Variants in TRDN observed in about 807,000 individuals in gnomAD.
The protein encoded by TRDN is triadin, also known as triadin in skeletal muscle.
In TRDN, 161 loss-of-function variants were observed where a neutral mutation model predicts 149.7. That is an observed-to-expected ratio of 1.08 (90% confidence interval 0.95 to 1.23). TRDN has a LOEUF of 1.23. Among genes scored for constraint, TRDN ranks in the 50% most tolerant of loss-of-function variants. TRDN has a pLI of 0.00. For missense variants in TRDN, 896 were observed against 823.5 expected (o/e 1.09, Z -1.08); for synonymous variants, 294 against 250.5 (o/e 1.17, Z -1.64).
At chr6:123,370,165 G>A (rs1050364726) in intron 19 of TRDN, among the ~76,000 whole-genome samples, 2 of 152,036 alleles carry the variant, frequency 1.3e-5, no homozygotes, top group African/African-American at 4.8e-5. Context: ...TATCGCCAAG[G>A]CCTTTGAAAC....
At chr6:123,257,798 C>T (rs1434715916) in intron 35 of TRDN, among the ~76,000 whole-genome samples, 2 of 152,170 alleles carry the variant, frequency 1.3e-5, no homozygotes, top group Non-Finnish European at 2.9e-5. Flanking sequence ...TTTGTGTCCT[C>T]TTTTATTTCC....
At chr6:123,494,538 A>C (rs1334875085) in intron 9 of TRDN, among the ~76,000 whole-genome samples, 1 of 152,212 alleles carries the variant, frequency 6.6e-6, no homozygotes, top group Non-Finnish European at 1.5e-5. Context: ...CAAGTAAAGA[A>C]ATTTTAAAAC....
chr6:123,333,768 G>T (rs1477352357), intron 22 of TRDN, among the ~76,000 whole-genome samples: 1 of 152,034 alleles, frequency 6.6e-6, no homozygotes, highest in African/African-American at 2.4e-5. Context: ...CAACTCTTAT[G>T]ACACTTTTCA....
chr6:123,324,176 A>T (rs759998776), intron 23 of TRDN, among the ~76,000 whole-genome samples: 2 of 152,174 alleles, frequency 1.3e-5, no homozygotes, highest in Admixed American at 1.3e-4. Context: ...TCTGGGTACC[A>T]GTATCGATTT....
intron 2 of TRDN, among the ~76,000 whole-genome samples, chr6:123,554,528 CAA>C (rs1409730734): frequency 6.6e-6 from 1 of 152,006 alleles, no homozygotes; most frequent in Non-Finnish European, 1.5e-5. Flanking sequence ...AAAATTTTAT[CAA>C]GTTAAGAAAA....
chr6:123,383,545 G>A (rs986062374), intron 14 of TRDN, among the ~76,000 whole-genome samples: 4 of 151,994 alleles, frequency 2.6e-5, no homozygotes, highest in African/African-American at 7.2e-5. Context: ...TGAACAATAA[G>A]AGAGTGTTGA....
At chr6:123,507,557 C>T (rs891361022) in intron 7 of TRDN, among the ~76,000 whole-genome samples, 2 of 151,994 alleles carry the variant, frequency 1.3e-5, no homozygotes, top group Admixed American at 1.3e-4. Context: ...ACTAAAGCAA[C>T]ACCCAACTTC....
At chr6:123,483,070 TTATTATTATTATTATTATTATTATTA>T (rs1562339257) in intron 9 of TRDN, among the ~76,000 whole-genome samples, 5 of 17,280 alleles carry the variant, frequency 2.9e-4, no homozygotes, top group Non-Finnish European at 5.8e-4. Flanking sequence ...TTCTCATTTA[TTATTATTATTATTATTATTATTATTA>T]TTATTATTAT....
intron 12 of TRDN, among the ~76,000 whole-genome samples, chr6:123,414,836 C>T (rs926548484): frequency 6.6e-6 from 1 of 151,994 alleles, no homozygotes; most frequent in Non-Finnish European, 1.5e-5. Flanking sequence ...TTTCATTCTC[C>T]TAGGTAAAAA....
chr6:123,229,039 T>G (rs1163781720), intron 38 of TRDN, among the ~76,000 whole-genome samples: 1 of 151,976 alleles, frequency 6.6e-6, no homozygotes, highest in African/African-American at 2.4e-5. Flanking sequence ...TACAGTTATT[T>G]CTAACATTGA....
intron 1 of TRDN, among the ~76,000 whole-genome samples, chr6:123,591,652 C>T (rs954876964): frequency 9.9e-5 from 15 of 152,120 alleles, no homozygotes; most frequent in East Asian, 5.8e-4. Flanking sequence ...AGGAAATACA[C>T]GTATTTTAAG....
In TRDN at chr6:123,255,126, C is replaced by G. The variant is rs1776511741; in HGVS notation, c.1907-1G>C. ...TGAAGACTTTCTTTTCTTGTTGAGA[C>G]TGTTAATAAGGAAAATGTAAATTAA... is the stretch of plus-strand genomic sequence containing the variant. On this transcript the variant is annotated splice_acceptor_variant, in intron 36 of 40. Coordinates refer to ENST00000334268, the MANE Select transcript of TRDN (RefSeq NM_006073.4). LOFTEE classifies it high-confidence loss of function. 3.8e-6 allele frequency: 5 copies of G among 1,314,716 alleles called. No homozygotes were observed. The East Asian group carries it at 1.3e-4, about 34-fold the overall frequency. 81.4% of individuals were successfully genotyped at this position (1,314,716 alleles called of 1,614,324 possible). A position where few individuals can be genotyped will look rare whatever the true frequency, so the allele number is the denominator to read the frequency against.
Position 123,478,083 on chromosome 6 carries a change from CCA to C in TRDN, c.854-13102_854-13101del, listed in dbSNP as rs1491423692. On this transcript the variant is annotated intron_variant, in intron 9 of 40. Coordinates refer to ENST00000334268, the MANE Select transcript of TRDN (RefSeq NM_006073.4). ...TAATAAAAAAAAAGAAAAATGTTCA[CCA>C]AAAAAAAAAAAACCTAATATAAGAT... is the stretch of plus-strand genomic sequence containing the variant. Among the ~76,000 whole-genome samples, 4 of 124,370 alleles carry C rather than the reference CCA, an allele frequency of 3.2e-5. No homozygotes were observed. In the East Asian group the frequency reaches 1.9e-3, roughly 58 times the overall value. 81.6% of individuals were successfully genotyped at this position (124,370 alleles called of 152,430 possible).
At chr6:123,486,723 A>G (rs905298478) in intron 9 of TRDN, among the ~76,000 whole-genome samples, 1 of 152,036 alleles carries the variant, frequency 6.6e-6, no homozygotes, top group African/African-American at 2.4e-5. Context: ...CTTGATGGCT[A>G]GCAATAAGTT....
At chr6:123,599,506 C>T (rs1204070585) in intron 1 of TRDN, among the ~76,000 whole-genome samples, 3 of 151,992 alleles carry the variant, frequency 2.0e-5, no homozygotes, top group Admixed American at 6.6e-5. Flanking sequence ...ATGTAAAAAT[C>T]ATACTGTTTT....
chr6:123,437,228 A>G (rs1253062372), intron 12 of TRDN, among the ~76,000 whole-genome samples: 1 of 151,952 alleles, frequency 6.6e-6, no homozygotes, highest in African/African-American at 2.4e-5. Flanking sequence ...AGTTCATTGT[A>G]TCTTGACCAA....
intron 1 of TRDN, among the ~76,000 whole-genome samples, chr6:123,592,118 G>T (rs1783819411): frequency 6.6e-6 from 1 of 152,116 alleles, no homozygotes; most frequent in South Asian, 2.1e-4. Context: ...CCTAAGATGG[G>T]GGTCTTAAAA....
At chr6:123,542,820 C>G (rs1453913207) in intron 4 of TRDN, among the ~76,000 whole-genome samples, 3 of 151,062 alleles carry the variant, frequency 2.0e-5, no homozygotes, top group Non-Finnish European at 3.0e-5. Flanking sequence ...CTCTTTCTCT[C>G]CCTCCCTTTT....
chr6:123,624,852 G>A (rs1785568589), intron 1 of TRDN, among the ~76,000 whole-genome samples: 2 of 152,038 alleles, frequency 1.3e-5, no homozygotes, highest in Non-Finnish European at 2.9e-5. Context: ...CACTCAGATG[G>A]GATGACAGGG....
Sources: allele counts gnomAD v4.1 joint callset (sites outside exome capture counted in the v4.1 genomes callset), GRCh38; gene constraint gnomAD v4.1.1; transcripts MANE v1.5; gene names NCBI Gene and HGNC (gene_info 2026-07-23, HGNC 2026-07-21).